CAST: variants seen among roughly 807,000 people sequenced by gnomAD.
CAST encodes the protein calpastatin, also known as MIR583 host.
In CAST, 76 loss-of-function variants were observed where a neutral mutation model predicts 119.6. That is an observed-to-expected ratio of 0.64 (90% CI 0.53 to 0.77). The LOEUF is 0.77. Ranked by LOEUF, CAST falls within the 30% of genes least tolerant of loss-of-function variation. The pLI is 0.00. For missense variants in CAST, 953 were observed against 946.5 expected (o/e 1.01, Z -0.09); for synonymous variants, 319 against 331.6 (o/e 0.96, Z 0.41).
At chr5:96,479,829 A>G in the CAST span, among the ~76,000 whole-genome samples, 1 of 152,128 alleles carries the variant, frequency 6.6e-6, no homozygotes, top group Non-Finnish European at 1.5e-5. Context: ...GTAGTAAATT[A>G]TAGGAAGAAA....
At chr5:96,232,074 CAATA>C in the CAST span, among the ~76,000 whole-genome samples, 20 of 152,082 alleles carry the variant, frequency 1.3e-4, no homozygotes, top group African/African-American at 4.6e-4. Context: ...ATATAAATAA[CAATA>C]AACTTTTCAT....
chr5:96,367,066 G>T, the CAST span, among the ~76,000 whole-genome samples: 1 of 152,220 alleles, frequency 6.6e-6, no homozygotes, highest in African/African-American at 2.4e-5. Context: ...CTTAGCTGCA[G>T]GTCTGTTGGA....
At chr5:96,048,367 A>G in the CAST span, among the ~76,000 whole-genome samples, 2 of 152,318 alleles carry the variant, frequency 1.3e-5, no homozygotes, top group Non-Finnish European at 2.9e-5. Context: ...GATGCCAGAG[A>G]TGACCAGAGT....
chr5:95,967,676 T>G, the CAST span, among the ~76,000 whole-genome samples: 1 of 152,172 alleles, frequency 6.6e-6, no homozygotes, highest in Non-Finnish European at 1.5e-5. Flanking sequence ...GCTGTCGCCA[T>G]GTGAAGAAGG....
chr5:95,999,689 A>G, the CAST span, among the ~76,000 whole-genome samples: 2 of 152,172 alleles, frequency 1.3e-5, no homozygotes, highest in South Asian at 4.1e-4. Context: ...ATTTGGGGTT[A>G]TTATTAATAA....
intron 2 of CAST, among the ~76,000 whole-genome samples, chr5:96,680,175 C>T (rs563071426): frequency 6.7e-6 from 1 of 150,192 alleles, no homozygotes; most frequent in African/African-American, 2.5e-5. Context: ...ATGGTGAAAC[C>T]CCAACTCTAC....
the CAST span, among the ~76,000 whole-genome samples, chr5:96,307,423 T>C: frequency 1.3e-5 from 2 of 152,350 alleles, no homozygotes; most frequent in East Asian, 3.8e-4. Flanking sequence ...CATCTGTGTC[T>C]TTTAATTGGG....
At chr5:96,375,853 C>T in the CAST span, among the ~76,000 whole-genome samples, 1 of 149,316 alleles carries the variant, frequency 6.7e-6, no homozygotes, top group East Asian at 1.9e-4. Flanking sequence ...ACTTGCCAGC[C>T]CCCACAATCC....
the CAST span, among the ~76,000 whole-genome samples, chr5:95,966,001 A>G: frequency 4.6e-5 from 7 of 152,240 alleles, no homozygotes; most frequent in East Asian, 1.4e-3. Context: ...AGGACAGTTA[A>G]TTTACAAGTC....
the CAST span, among the ~76,000 whole-genome samples, chr5:96,072,015 T>C: frequency 0.25 from 37,398 of 152,106 alleles, 5,794 homozygotes; most frequent in Middle Eastern, 0.34. Context: ...ATTAAATTGA[T>C]ACAAAGAAAA....
At chr5:96,129,709 T>C in the CAST span, among the ~76,000 whole-genome samples, 1 of 152,114 alleles carries the variant, frequency 6.6e-6, no homozygotes, top group Non-Finnish European at 1.5e-5. Context: ...AGAGATATTT[T>C]TCTATATTAT....
At chr5:96,761,681 CAG>C (rs939452679) in intron 24 of CAST, 2 of 152,032 alleles carry the variant, frequency 1.3e-5, no homozygotes, top group African/African-American at 2.4e-5. Context: ...TATTTTTAAA[CAG>C]AAATTATTTC....
intron 1 of CAST, among the ~76,000 whole-genome samples, chr5:96,552,405 A>G (rs1746151000): frequency 6.6e-6 from 1 of 152,242 alleles, no homozygotes. Flanking sequence ...AATCTCTGGG[A>G]AACATTGAAA....
At chr5:96,462,272 T>C in the CAST span, among the ~76,000 whole-genome samples, 1 of 152,156 alleles carries the variant, frequency 6.6e-6, no homozygotes, top group African/African-American at 2.4e-5. Flanking sequence ...TTTTGTCTAC[T>C]ATCACTTCTT....
At chr5:96,000,137 TG>T in the CAST span, among the ~76,000 whole-genome samples, 5 of 152,224 alleles carry the variant, frequency 3.3e-5, no homozygotes, top group African/African-American at 1.2e-4. Context: ...GAGATTTTTT[TG>T]TATAGTCTAG....
At chr5:96,460,183 T>C in the CAST span, among the ~76,000 whole-genome samples, 1 of 152,150 alleles carries the variant, frequency 6.6e-6, no homozygotes. Flanking sequence ...TCCTGCATAT[T>C]AGCTGCACTT....
At chr5:96,436,784 T>G in the CAST span, among the ~76,000 whole-genome samples, 1 of 152,142 alleles carries the variant, frequency 6.6e-6, no homozygotes, top group South Asian at 2.1e-4. Context: ...AAGTATCTAG[T>G]ATACACAAAG....
At chr5:96,246,187 C>CTTTTTTTTTTTTTT in the CAST span, among the ~76,000 whole-genome samples, 20,747 of 76,084 alleles carry the variant, frequency 0.27, 6,827 homozygotes, top group East Asian at 0.54. Context: ...GTCTGTCTTC[C>CTTTTTTTTTTTTTT]TTTTTTTTTT....
At chr5:96,065,659 T>C in the CAST span, among the ~76,000 whole-genome samples, 1 of 152,148 alleles carries the variant, frequency 6.6e-6, no homozygotes, top group East Asian at 1.9e-4. Flanking sequence ...AGAAATAGCA[T>C]ATTTGGTATA....
Sources: gnomAD v4.1 joint callset for allele counts (sites outside exome capture counted in the v4.1 genomes callset) on GRCh38, gnomAD v4.1.1 for gene constraint, MANE v1.5 for transcripts, NCBI Gene and HGNC (gene_info 2026-07-23, HGNC 2026-07-21) for gene names.